Variants in PRDM10 observed in about 807,000 individuals in gnomAD.
PRDM10 encodes PR domain zinc finger protein 10.
PRDM10 carries 65 observed loss-of-function variants against 133.1 expected under a neutral mutation model. That is an observed-to-expected ratio of 0.49 (90% confidence interval 0.40 to 0.60). The LOEUF is 0.60. PRDM10 is among the 20% of genes least tolerant of loss of function. The pLI, the probability that PRDM10 is intolerant of heterozygous loss-of-function variation, is 0.00. For missense variants in PRDM10, 1,137 were observed against 1,507.1 expected (o/e 0.75, Z 4.07); for synonymous variants, 582 against 580.4 (o/e 1.00, Z -0.04).
intron 20 of PRDM10, among the ~76,000 whole-genome samples, chr11:129,903,333 T>TAATAATAATAATAAA (rs1949903220): frequency 7.0e-6 from 1 of 143,246 alleles, no homozygotes; most frequent in South Asian, 2.2e-4. Context: ...ATAATAATAA[T>TAATAATAATAATAAA]AATAATAAAT....
intron 1 of PRDM10, among the ~76,000 whole-genome samples, chr11:129,997,558 G>A (rs1939130162): frequency 6.7e-6 from 1 of 149,034 alleles, no homozygotes; most frequent in Non-Finnish European, 1.5e-5. Flanking sequence ...TAGAATCAAA[G>A]TATTGTGGTC....
rs187506616 is a variant in PRDM10 at position 129,932,290 on chromosome 11, A to G, written c.1158-59T>C. On this transcript the variant is annotated intron_variant, in intron 9 of 20. Coordinates refer to ENST00000360871, the MANE Select transcript of PRDM10 (RefSeq NM_199437.2). Reference sequence around the variant, plus strand: ...GGTTACATAATACTCCATAACAAGTAGCGACCTAAATGATCCTTACTAACC... The same window carrying G: ...GGTTACATAATACTCCATAACAAGTGGCGACCTAAATGATCCTTACTAACC... The G allele has an allele frequency of 1.1e-5, 18 of 1,583,240 alleles. No homozygotes were observed. In the Admixed American group the frequency reaches 2.6e-4, roughly 23 times the overall value.
At chr11:129,993,206 T>C (rs1183197781) in intron 1 of PRDM10, among the ~76,000 whole-genome samples, 3 of 152,226 alleles carry the variant, frequency 2.0e-5, no homozygotes, top group Non-Finnish European at 2.9e-5. Flanking sequence ...CACCTTTTCA[T>C]GTTTATTAGA....
intron 1 of PRDM10, among the ~76,000 whole-genome samples, chr11:129,987,116 G>T (rs1031077297): frequency 1.3e-5 from 2 of 152,074 alleles, no homozygotes; most frequent in Non-Finnish European, 2.9e-5. Context: ...TCCACTAATA[G>T]GGAAGGTTTG....
intron 7 of PRDM10, among the ~76,000 whole-genome samples, chr11:129,941,901 G>A (rs937517964): frequency 3.9e-5 from 6 of 152,162 alleles, no homozygotes; most frequent in African/African-American, 1.4e-4. Context: ...ATCATAGGTA[G>A]AGGAGCATCT....
At chr11:129,955,460 C>A (rs189860864) in intron 4 of PRDM10, 52 bp downstream of exon 4, 1 of 1,555,294 alleles carries the variant, frequency 6.4e-7, no homozygotes. Flanking sequence ...GCATTCCAGG[C>A]GCAGTGGCAT....
intron 6 of PRDM10, among the ~76,000 whole-genome samples, chr11:129,944,249 GA>G (rs1951315082): frequency 6.6e-6 from 1 of 152,072 alleles, no homozygotes; most frequent in African/African-American, 2.4e-5. Flanking sequence ...GGCAACCCTA[GA>G]AAACTACCGT....
intron 1 of PRDM10, among the ~76,000 whole-genome samples, chr11:129,991,649 T>C (rs1052849909): frequency 6.6e-6 from 1 of 152,054 alleles, no homozygotes; most frequent in Non-Finnish European, 1.5e-5. Flanking sequence ...TGAAACCCCA[T>C]CTCTGCTAAA....
At chr11:129,962,481 C>A (rs7949907) in intron 1 of PRDM10, among the ~76,000 whole-genome samples, 2,270 of 152,328 alleles carry the variant, frequency 0.015, 56 homozygotes, top group African/African-American at 0.047. Flanking sequence ...CACTTATTCA[C>A]CCTGCATGCG....
chr11:129,930,046 CTATCA>C (rs2135807692), intron 11 of PRDM10, among the ~76,000 whole-genome samples: 1 of 152,302 alleles, frequency 6.6e-6, no homozygotes, highest in East Asian at 1.9e-4. Context: ...CCCTTCAAAG[CTATCA>C]TATGACTACA....
chr11:129,922,773 T>C (rs1950554568), intron 13 of PRDM10, among the ~76,000 whole-genome samples: 1 of 152,230 alleles, frequency 6.6e-6, no homozygotes, highest in South Asian at 2.1e-4. Context: ...CATAATGTTT[T>C]AATCTTTGAG....
intron 20 of PRDM10, among the ~76,000 whole-genome samples, chr11:129,904,155 TAAA>T (rs11409202): frequency 2.8e-5 from 3 of 107,412 alleles, no homozygotes; most frequent in Non-Finnish European, 3.8e-5. Flanking sequence ...CTCAGTATAC[TAAA>T]AAAAAAAAAA....
intron 1 of PRDM10, among the ~76,000 whole-genome samples, chr11:129,981,957 T>TA (rs58421971): frequency 0.028 from 4,253 of 152,030 alleles, 154 homozygotes; most frequent in East Asian, 0.1. Flanking sequence ...TTTATCCTCA[T>TA]AAAAAAATTA....
rs1950592003 is a variant in PRDM10 at position 129,923,691 on chromosome 11, A to AGAGAGAGAGAGAGC, written c.1879-289_1879-288insGCTCTCTCTCTCTC. Among the ~76,000 whole-genome samples the AGAGAGAGAGAGAGC allele has an allele frequency of 7.0e-6, 1 of 143,364 alleles. No homozygotes were observed. Among genetic ancestry groups the AGAGAGAGAGAGAGC allele is most frequent in the Non-Finnish European group, 1.5e-5 (1 of 65,548 alleles). The allele number at this position is 143,364 out of a possible 152,430, so 94.1% of individuals were successfully genotyped here. A position where few individuals can be genotyped will look rare whatever the true frequency, so the allele number is the denominator to read the frequency against. ...GAGAGAGAGAGAGAGAGAGAGAGAG[A>AGAGAGAGAGAGAGC]GAGTGCTTGCTTGGTCAAAGCCCTG... On this transcript the variant is annotated intron_variant, in intron 12 of 20. Transcript: ENST00000360871. The surrounding 1 kb of genome is among the most constrained non-coding windows in gnomAD (Gnocchi z 4.4).
intron 1 of PRDM10, among the ~76,000 whole-genome samples, chr11:129,982,939 C>CA: frequency 6.6e-6 from 1 of 152,000 alleles, no homozygotes. Flanking sequence ...CCAGCCAGGG[C>CA]AACAAGCAAG....
At chr11:129,989,640 G>T (rs904677247) in intron 1 of PRDM10, among the ~76,000 whole-genome samples, 1 of 152,124 alleles carries the variant, frequency 6.6e-6, no homozygotes, top group African/African-American at 2.4e-5. Flanking sequence ...AAGTTGTTAG[G>T]ATAAACTCCT....
chr11:129,971,203 T>C (rs1365584623), intron 1 of PRDM10, among the ~76,000 whole-genome samples: 1 of 152,134 alleles, frequency 6.6e-6, no homozygotes, highest in Non-Finnish European at 1.5e-5. Context: ...TAGCAAAATA[T>C]ATTGCAAAGA....
chr11:129,999,792 A>G (rs1401168468), intron 1 of PRDM10, among the ~76,000 whole-genome samples: 1 of 152,220 alleles, frequency 6.6e-6, no homozygotes, highest in East Asian at 1.9e-4. Context: ...TCAAAATATT[A>G]TAATTCTTTT....
intron 1 of PRDM10, among the ~76,000 whole-genome samples, chr11:129,991,134 G>T (rs1938719511): frequency 6.6e-6 from 1 of 152,160 alleles, no homozygotes; most frequent in Admixed American, 6.5e-5. Flanking sequence ...TTACAATGTG[G>T]CTCAATAGTA....
Sources: gnomAD v4.1 joint callset for allele counts (sites outside exome capture counted in the v4.1 genomes callset) on GRCh38, gnomAD v4.1.1 for gene constraint, Gnocchi (gnomAD v3.1) non-coding constraint, MANE v1.5 for transcripts, NCBI Gene and HGNC (gene_info 2026-07-23, HGNC 2026-07-21) for gene names.